Variants in NAGPA observed in about 807,000 individuals in gnomAD.
The protein encoded by NAGPA is alpha-N-acetylglucosaminyl phosphodiesterase.
In NAGPA, 56 loss-of-function variants were observed where a neutral mutation model predicts 48.5. That is an observed-to-expected ratio of 1.15 (90% CI 0.93 to 1.44). The LOEUF is 1.44. Ranked by LOEUF, NAGPA falls within the 40% of genes most tolerant of loss-of-function variation. The probability of loss-of-function intolerance (pLI) is 0.00; values close to 1 mark genes in which losing one functional copy is unlikely to be tolerated. For synonymous variants in NAGPA, 399 were observed against 315.5 expected (o/e 1.26, Z -2.81); for missense variants, 888 against 735.0 (o/e 1.21, Z -2.41).
At position 5,033,925 on chromosome 16, in the gene NAGPA, G is replaced by A. The variant is rs116255768; in HGVS notation, c.-11C>T. On this transcript the variant is annotated 5_prime_UTR_variant, in exon 1 of 10. Transcript: ENST00000312251. This position sits in a 1 kb window ranked among gnomAD's most constrained non-coding sequence, Gnocchi z 4.2. ...CGTGGAGGTCGCCATATTGGACCGG[G>A]GCCTCGGGTCATGTGGGCTCGCCTC... 5.2e-5 allele frequency: 81 copies of A among 1,548,700 alleles called. No individual in the cohort carries two copies. The Admixed American group carries it at 8.0e-4, about 15-fold the overall frequency.
intron 4 of NAGPA, 150 bp from the exon 5 acceptor site, chr16:5,029,158 C>T (rs984542637): frequency 1.0e-4 from 134 of 1,337,924 alleles, no homozygotes; most frequent in Non-Finnish European, 1.2e-4. Flanking sequence ...TCCTAGCCCC[C>T]GGAAGCTGTG....
In NAGPA at chr16:5,028,993, T is replaced by G; in HGVS notation, c.807A>C (p.Glu269Asp). ...QTEQRGINLW[E>D]MAEFLLKQDV... is the part of the protein sequence containing the mutation. ...CCTGTTTCAGCAGGAACTCCGCCAT[T>G]TCCCACAGGTTGATGCTGCGGCACA... Residue 269 changes from glutamate (E) to aspartate (D), a missense_variant, in exon 5 of 10, where the codon GAA becomes GAC. Glu to Asp is a conservative substitution (Grantham distance 45, BLOSUM62 2). Coordinates refer to ENST00000312251, the MANE Select transcript of NAGPA (RefSeq NM_016256.4). 6.2e-7 allele frequency: 1 copy of G among 1,613,610 alleles called. No individual in the cohort carries two copies. Among genetic ancestry groups the G allele is most frequent in the Non-Finnish European group, 8.5e-7 (1 of 1,180,030 alleles).
Position 5,025,278 on chromosome 16 carries a change from T to C in NAGPA, c.*200A>G, listed in dbSNP as rs1162619841. The stretch of plus-strand genomic sequence containing the variant: ...GGCAGCTGAGCCTCTCCAGCGAGCA[T>C]GGTATTGCTAGGGTTGCAGGTGCCC... On this transcript the variant is annotated 3_prime_UTR_variant, in exon 10 of 10. Transcript: ENST00000312251. 5 of 657,434 alleles carry C rather than the reference T, an allele frequency of 7.6e-6. No individual in the cohort carries two copies. The highest frequency in any genetic ancestry group is 4.3e-4 in the Middle Eastern group (1 of 2,348). The allele number at this position is 657,434 out of a possible 1,614,324, so 40.7% of individuals were successfully genotyped here. A position where few individuals can be genotyped will look rare whatever the true frequency, so the allele number is the denominator to read the frequency against.
At chr16:5,028,602 G>T in intron 5 of NAGPA, 1 of 561,456 alleles carries the variant, frequency 1.8e-6, no homozygotes, top group East Asian at 3.3e-5. Context: ...TTCACATGTG[G>T]TGCCCTCTGC....
intron 5 of NAGPA, chr16:5,028,392 C>G: frequency 2.0e-6 from 2 of 982,278 alleles, no homozygotes; most frequent in East Asian, 2.6e-5. Context: ...TGCACCATCA[C>G]GCCTGCCTAA....
chr16:5,033,069 G>GGCGC lies in NAGPA; in HGVS notation c.542+200_542+203dup, dbSNP rs1567142569. ...GTGTTGTTCACGGCTATCTCACCGG[G>GGCGC]GCGCGGCACATTGCCTGATACAAGC... On this transcript the variant is annotated intron_variant, in intron 2 of 9. Coordinates refer to ENST00000312251, the MANE Select transcript of NAGPA (RefSeq NM_016256.4). The surrounding 1 kb of genome is among the most constrained non-coding windows in gnomAD (Gnocchi z 4.2). 5 of 644,788 alleles carry GGCGC rather than the reference G, an allele frequency of 7.8e-6. No individual in the cohort carries two copies. In the South Asian group the frequency reaches 9.5e-5, roughly 12 times the overall value. 39.9% of individuals were successfully genotyped at this position (644,788 alleles called of 1,614,324 possible).
chr16:5,029,952 C>T (rs1428259715), intron 4 of NAGPA: 1 of 266,706 alleles, frequency 3.7e-6, no homozygotes, highest in African/African-American at 2.2e-5. Context: ...AAGAACATTC[C>T]CTGCTGAGTG....
In NAGPA at chr16:5,028,053, G is replaced by T. The variant is rs1956035152; in HGVS notation, c.1053C>A (p.Phe351Leu). Residue 351 changes from phenylalanine (F) to leucine (L), a missense_variant, in exon 6 of 10, where the codon TTC (phenylalanine) becomes TTA (leucine). Physicochemically the swap from Phe to Leu is conservative, Grantham distance 22. Transcript: ENST00000312251. ...GCTCATCACAGCCGGGACCCCGCCA[G>T]AAGTGCCCGGTGCATTGGCAGTGCC... ...VDGHCQCTGH[F>L]WRGPGCDELD... 1.2e-6 allele frequency: 2 copies of T among 1,609,850 alleles called. No individual in the cohort carries two copies. Among genetic ancestry groups the T allele is most frequent in the South Asian group, 1.1e-5 (1 of 90,848 alleles).
chr16:5,028,117 T>G lies in NAGPA; in HGVS notation c.989A>C (p.Gln330Pro). The G allele has an allele frequency of 1.2e-6, 2 of 1,608,308 alleles. No homozygotes were observed. The highest frequency in any genetic ancestry group is 1.7e-6 in the Non-Finnish European group (2 of 1,177,500). ...TVVCVHEPRC[Q>P]PPDCHGHGTC... is the part of the protein sequence containing the mutation. Reference sequence around the variant, plus strand: ...CCCGTGGCCGTGGCAGTCAGGCGGCTGGCAGCGGGGTTCGTGCACACACAC... The same window carrying G: ...CCCGTGGCCGTGGCAGTCAGGCGGCGGGCAGCGGGGTTCGTGCACACACAC... The change falls in exon 6 of 10, where the codon CAG becomes CCG. Residue 330 changes from glutamine (Q) to proline (P), a missense_variant. Physicochemically the swap from Gln to Pro is moderately conservative, Grantham distance 76. Coordinates refer to ENST00000312251, the MANE Select transcript of NAGPA (RefSeq NM_016256.4).
chr16:5,027,780 A>G lies in NAGPA; in HGVS notation c.1174+66T>C, dbSNP rs1182871911. 8 of 1,542,858 alleles carry G rather than the reference A, an allele frequency of 5.2e-6. No individual in the cohort carries two copies. The Admixed American group carries it at 1.2e-4, about 23-fold the overall frequency. On this transcript the variant is annotated intron_variant, in intron 7 of 9. Coordinates refer to ENST00000312251, the MANE Select transcript of NAGPA (RefSeq NM_016256.4). ...ACCAGAAGGTGGAGACAGAAGCAGC[A>G]GAGGAGCAGTGGGGGCTGCCGGGGG...
chr16:5,030,411 A>G lies in NAGPA; in HGVS notation c.765T>C (p.His255=). The change falls in exon 4 of 10, where the codon CAT becomes CAC. Residue 255 remains histidine (H), a synonymous_variant. Transcript: ENST00000312251. ...CACGCTGCTCCGTTTGGCCGTCTGC[A>G]TGAAAGAGCACCAGCTGCCCTTTCC... ...HDRKGQLVLF[H]ADGQTEQRGI... is the part of the protein sequence containing the mutation. 1 of 1,552,714 alleles carries G rather than the reference A, an allele frequency of 6.4e-7. No homozygotes were observed. Among genetic ancestry groups the G allele is most frequent in the Non-Finnish European group, 8.7e-7 (1 of 1,147,520 alleles).
chr16:5,031,385 A>T, intron 3 of NAGPA: 1 of 336,320 alleles, frequency 3.0e-6, no homozygotes, highest in Non-Finnish European at 5.8e-6. Context: ...TGCAGGTCTG[A>T]GGGTGTGGGG....
At chr16:5,026,238 A>C (rs1955998322) in intron 9 of NAGPA, among the ~76,000 whole-genome samples, 1 of 148,144 alleles carries the variant, frequency 6.8e-6, no homozygotes, top group African/African-American at 2.5e-5. Flanking sequence ...CTGATATTTT[A>C]AGAGAAGCCA....
chr16:5,025,725 G>A (rs1596658510), intron 9 of NAGPA, 40 bp from the exon 10 acceptor site: 2 of 1,558,350 alleles, frequency 1.3e-6, no homozygotes, highest in East Asian at 2.4e-5. Context: ...GGACTGCTGG[G>A]TGGGCTCAGG....
rs766607320 is a variant in NAGPA at position 5,031,902 on chromosome 16, G to C, written c.543-18C>G. The C allele has an allele frequency of 2.5e-6, 4 of 1,614,088 alleles. No homozygotes were observed. The Admixed American group carries it at 5.0e-5, about 20-fold the overall frequency. On this transcript the variant is annotated intron_variant, in intron 2 of 9. Coordinates refer to ENST00000312251, the MANE Select transcript of NAGPA (RefSeq NM_016256.4). Reference sequence around the variant, plus strand: ...ACAGGTACCTGGATCCGGGGAAGGTGGGAAGCTCACTCACCAGCAGGGGCA... The same window carrying C: ...ACAGGTACCTGGATCCGGGGAAGGTCGGAAGCTCACTCACCAGCAGGGGCA...
intron 2 of NAGPA, chr16:5,032,966 A>C: frequency 2.0e-6 from 1 of 501,828 alleles, no homozygotes; most frequent in Non-Finnish European, 3.6e-6. Context: ...ACACACAGCA[A>C]TCAGAATGTA....
rs764010315 is a variant in NAGPA, at chr16:5,031,912, C to T, written c.543-28G>A. 6.2e-6 allele frequency: 10 copies of T among 1,614,046 alleles called. No homozygotes were observed. The African/African-American group carries it at 6.7e-5, about 11-fold the overall frequency. ...GGATCCGGGGAAGGTGGGAAGCTCA[C>T]TCACCAGCAGGGGCAACTGCAGATA... is the stretch of plus-strand genomic sequence containing the variant. On this transcript the variant is annotated intron_variant, in intron 2 of 9. Transcript: ENST00000312251.
At position 5,025,649 on chromosome 16, in the gene NAGPA, G is replaced by A; in HGVS notation, c.1377C>T (p.Phe459=). The change falls in exon 10 of 10, where the codon TTC becomes TTT. Residue 459 remains phenylalanine, a synonymous_variant. Transcript: ENST00000312251. ...AWLALTLALA[F]LLLISTAANL... ...TTGCTGCAGTGCTGATCAGCAGGAG[G>A]AAGGCCAGCGCCAGGGTGAGGGCTA... The A allele has an allele frequency of 6.2e-7, 1 of 1,613,362 alleles. No homozygotes were observed. Among genetic ancestry groups the A allele is most frequent in the Non-Finnish European group, 8.5e-7 (1 of 1,179,816 alleles).
At chr16:5,027,082 G>A in intron 9 of NAGPA, 53 bp downstream of exon 9, 2 of 1,601,192 alleles carry the variant, frequency 1.2e-6, no homozygotes, top group Non-Finnish European at 1.7e-6. Context: ...AAGGGTGCGG[G>A]AGAGAAGGGG....
Sources: allele counts gnomAD v4.1 joint callset (sites outside exome capture counted in the v4.1 genomes callset), GRCh38; gene constraint gnomAD v4.1.1; non-coding constraint Gnocchi (gnomAD v3.1); transcripts MANE v1.5; gene names NCBI Gene and HGNC (gene_info 2026-07-23, HGNC 2026-07-21).